FGF10: variants seen among roughly 807,000 people sequenced by gnomAD.
FGF10 encodes FGF-10.
Under a neutral mutation model 19.8 loss-of-function variants are expected in FGF10, and 2 were observed. The ratio of observed to expected loss-of-function variants is 0.10; its 90% CI spans 0.04 to 0.32. The LOEUF (loss-of-function observed/expected upper bound fraction) is 0.32. Among genes scored for constraint, FGF10 ranks in the 10% least tolerant of loss-of-function variants. The pLI, the probability that FGF10 is intolerant of heterozygous loss-of-function variation, is 1.00. For missense variants in FGF10, 191 were observed against 246.3 expected, an observed-to-expected ratio of 0.78 and a Z score of 1.50; for synonymous variants, 112 against 94.0, an observed-to-expected ratio of 1.19 and a Z score of -1.10.
chr5:44,346,390 C>T (rs1448717160), intron 1 of FGF10, among the ~76,000 whole-genome samples: 1 of 151,696 alleles, frequency 6.6e-6, no homozygotes, highest in Non-Finnish European at 1.5e-5. Context: ...TACATCAATC[C>T]ATTCACTAGC....
chr5:44,332,071 G>A (rs1339075704), intron 1 of FGF10, among the ~76,000 whole-genome samples: 1 of 152,094 alleles, frequency 6.6e-6, no homozygotes, highest in African/African-American at 2.4e-5. Context: ...TAAAGCACAA[G>A]TATGAACCCC....
rs182353579 is a variant in FGF10 at position 44,360,343 on chromosome 5, T to C, written c.325+28015A>G. ...ATGAGTTTTCCTACTTATCCTGACA[T>C]TTGATATCTTCTGATGGCTTTTGAT... is the stretch of plus-strand genomic sequence containing the variant. On this transcript the variant is annotated intron_variant, in intron 1 of 2. Transcript: ENST00000264664. Among the ~76,000 whole-genome samples, 19 of 151,730 alleles carry C rather than the reference T, an allele frequency of 1.3e-4. 1 individual carries two copies. Among genetic ancestry groups the C allele is most frequent in the Admixed American group, 1.1e-3 (16 of 15,184 alleles).
chr5:44,356,062 C>T (rs1341226469), intron 1 of FGF10, among the ~76,000 whole-genome samples: 2 of 151,438 alleles, frequency 1.3e-5, no homozygotes, highest in African/African-American at 2.4e-5. Context: ...TCTATTCCAG[C>T]TCATAGTCCA....
chr5:44,367,693 C>T (rs548730112), intron 1 of FGF10, among the ~76,000 whole-genome samples: 1 of 151,970 alleles, frequency 6.6e-6, no homozygotes, highest in Non-Finnish European at 1.5e-5. Context: ...TAGGCCTAAG[C>T]ATTCAATATC....
At chr5:44,387,458 T>C (rs904824907) in intron 1 of FGF10, among the ~76,000 whole-genome samples, 22 of 152,328 alleles carry the variant, frequency 1.4e-4, no homozygotes, top group African/African-American at 5.3e-4. Context: ...AACAGACTTA[T>C]GACTTTTACT....
In FGF10 at chr5:44,302,880, A is replaced by G. The variant is rs1445237811; in HGVS notation, c.*2115T>C. Among the ~76,000 whole-genome samples the G allele has an allele frequency of 6.6e-6, 1 of 152,144 alleles. No homozygotes were observed. Among genetic ancestry groups the G allele is most frequent in the African/African-American group, 2.4e-5 (1 of 41,438 alleles). ...TGTTTGCTGTTACTGTGGTCATCCA[A>G]TGTGTATTTGTCTTACCAAACATTT... On this transcript the variant is annotated 3_prime_UTR_variant, in exon 3 of 3. Transcript: ENST00000264664.
chr5:44,301,494 A>G lies in FGF10; in HGVS notation c.*3501T>C, dbSNP rs888064179. On this transcript the variant is annotated 3_prime_UTR_variant, in exon 3 of 3. Transcript: ENST00000264664. Reference sequence around the variant, plus strand: ...TCTCTCTAATTTTCAAATCAAATTCATTGGTCATTCATCCCCTTGAAATCA... The same window carrying G: ...TCTCTCTAATTTTCAAATCAAATTCGTTGGTCATTCATCCCCTTGAAATCA... Among the ~76,000 whole-genome samples the G allele has an allele frequency of 2.0e-5, 3 of 152,170 alleles. No homozygotes were observed. The highest frequency in any genetic ancestry group is 7.2e-5 in the African/African-American group (3 of 41,464).
At chr5:44,351,035 A>G (rs1741221562) in intron 1 of FGF10, among the ~76,000 whole-genome samples, 1 of 151,514 alleles carries the variant, frequency 6.6e-6, no homozygotes, top group South Asian at 2.1e-4. Context: ...CTTGGGTAAG[A>G]CTGCTTACTC....
intron 1 of FGF10, among the ~76,000 whole-genome samples, chr5:44,379,774 A>T (rs1317281639): frequency 1.3e-4 from 20 of 152,112 alleles, no homozygotes; most frequent in Admixed American, 1.3e-3. Context: ...CATTAGCTTG[A>T]TCTCTTTCCT....
At chr5:44,357,579 C>T (rs1579930083) in intron 1 of FGF10, among the ~76,000 whole-genome samples, 1 of 151,412 alleles carries the variant, frequency 6.6e-6, no homozygotes, top group African/African-American at 2.4e-5. Flanking sequence ...GTAATAGGCA[C>T]ATGAGGCTCA....
chr5:44,328,759 A>T (rs1402595030), intron 1 of FGF10, among the ~76,000 whole-genome samples: 1 of 152,186 alleles, frequency 6.6e-6, no homozygotes, highest in Non-Finnish European at 1.5e-5. Context: ...AGCAACGTGG[A>T]TGGAACAGGA....
intron 1 of FGF10, among the ~76,000 whole-genome samples, chr5:44,326,031 T>C (rs1169600955): frequency 6.6e-6 from 1 of 151,956 alleles, no homozygotes; most frequent in Non-Finnish European, 1.5e-5. Flanking sequence ...CAAAAACAGG[T>C]CAAAAAGCAT....
chr5:44,321,097 C>G (rs1224461642), intron 1 of FGF10, among the ~76,000 whole-genome samples: 1 of 152,162 alleles, frequency 6.6e-6, no homozygotes, highest in African/African-American at 2.4e-5. Flanking sequence ...TTCTTAGTGG[C>G]TAACCACATT....
intron 1 of FGF10, among the ~76,000 whole-genome samples, chr5:44,359,504 T>C (rs1423913945): frequency 6.6e-6 from 1 of 151,428 alleles, no homozygotes; most frequent in Non-Finnish European, 1.5e-5. Flanking sequence ...ATCCTGCAGA[T>C]TGAATCTGAG....
chr5:44,346,217 G>T (rs1486076378), intron 1 of FGF10, among the ~76,000 whole-genome samples: 2 of 151,422 alleles, frequency 1.3e-5, no homozygotes, highest in East Asian at 3.9e-4. Context: ...TACTTGTTCT[G>T]CCTCCAAAAT....
chr5:44,327,647 C>T (rs1366560778), intron 1 of FGF10, among the ~76,000 whole-genome samples: 1 of 152,192 alleles, frequency 6.6e-6, no homozygotes, highest in Non-Finnish European at 1.5e-5. Flanking sequence ...TAACAGCTTT[C>T]TGACATGGTA....
rs1355554625 is a variant in FGF10 at position 44,300,426 on chromosome 5, A to G, written c.*4569T>C. Among the ~76,000 whole-genome samples, 1 of 152,148 alleles carries G rather than the reference A, an allele frequency of 6.6e-6. No homozygotes were observed. The highest frequency in any genetic ancestry group is 1.5e-5 in the Non-Finnish European group (1 of 68,024). ...AAGTAGGAGGACCAGCTTTTTATTC[A>G]GTGAAAACTTGCATTCATCCCAATA... On this transcript the variant is annotated 3_prime_UTR_variant, in exon 3 of 3. Coordinates refer to ENST00000264664, the MANE Select transcript of FGF10 (RefSeq NM_004465.2).
At chr5:44,352,785 TC>T (rs1741264414) in intron 1 of FGF10, among the ~76,000 whole-genome samples, 1 of 151,770 alleles carries the variant, frequency 6.6e-6, no homozygotes, top group East Asian at 2.0e-4. Flanking sequence ...TGACTCTTTT[TC>T]CTCATCAATA....
chr5:44,377,508 C>T (rs1219959502), intron 1 of FGF10, among the ~76,000 whole-genome samples: 4 of 152,118 alleles, frequency 2.6e-5, no homozygotes, highest in African/African-American at 9.7e-5. Context: ...TTCTTTGTTG[C>T]CTTTTATTCT....
Sources: allele counts gnomAD v4.1 joint callset (sites outside exome capture counted in the v4.1 genomes callset), GRCh38; gene constraint gnomAD v4.1.1; transcripts MANE v1.5; gene names NCBI Gene and HGNC (gene_info 2026-07-23, HGNC 2026-07-21).